Variants in NUP210 observed in about 807,000 individuals in gnomAD.
NUP210 encodes nuclear pore membrane glycoprotein 210.
A neutral mutation model predicts 196.0 loss-of-function variants in NUP210; 151 were observed. The ratio of observed to expected loss-of-function variants is 0.77; its 90% CI spans 0.67 to 0.88. The LOEUF (loss-of-function observed/expected upper bound fraction) is 0.88. Among genes scored for constraint, NUP210 ranks in the 40% least tolerant of loss-of-function variants. NUP210 has a pLI of 0.00. For missense variants in NUP210, 2,314 were observed against 2,493.7 expected (o/e 0.93, Z 1.53); for synonymous variants, 1,070 against 1,052.7 (o/e 1.02, Z -0.32).
In NUP210 at chr3:13,376,348, C is replaced by T; in HGVS notation, c.1236G>A (p.Arg412=). Residue 412 remains arginine, a synonymous_variant, in exon 10 of 40, where the codon AGG becomes AGA. Coordinates refer to ENST00000254508, the MANE Select transcript of NUP210 (RefSeq NM_024923.4). ...TGGCCGTCTGTCCCCTCTTTAGTGC[C>T]CTGATGCGATGGTATGACCCATTCT... is the stretch of plus-strand genomic sequence containing the variant. The part of the protein sequence containing the change: ...SSQNGSYHRI[R]ALKRGQTAID... 1 of 1,614,226 alleles carries T rather than the reference C, an allele frequency of 6.2e-7. No homozygotes were observed. Among genetic ancestry groups the T allele is most frequent in the African/African-American group, 1.3e-5 (1 of 75,060 alleles).
chr3:13,420,204 A>C lies in NUP210; in HGVS notation c.23T>G (p.Leu8Arg). 1 of 1,192,358 alleles carries C rather than the reference A, an allele frequency of 8.4e-7. No individual in the cohort carries two copies. The allele number at this position is 1,192,358 out of a possible 1,614,324, so 73.9% of individuals were successfully genotyped here. A position where few individuals can be genotyped will look rare whatever the true frequency, so the allele number is the denominator to read the frequency against. MAARGRG[L>R]LLLTLSVLLA... Reference sequence around the variant, plus strand: ...CAGCACCGACAGCGTCAGCAGCAGCAGCCCCCGGCCCCGCGCCGCCATCCT... The same window carrying C: ...CAGCACCGACAGCGTCAGCAGCAGCCGCCCCCGGCCCCGCGCCGCCATCCT... Residue 8 changes from leucine to arginine, a missense_variant, in exon 1 of 40, where the codon CTG becomes CGG. Transcript: ENST00000254508. The surrounding 1 kb of genome is among the most constrained non-coding windows in gnomAD (Gnocchi z 4.8).
chr3:13,337,784 C>T (rs2124854402), intron 26 of NUP210, 53 bp downstream of exon 26: 1 of 1,514,818 alleles, frequency 6.6e-7, no homozygotes, highest in Non-Finnish European at 9.0e-7. Context: ...AGGACAGGGT[C>T]CCAGCAGTGG....
Position 13,377,580 on chromosome 3 carries a change from A to G in NUP210, c.1046-18T>C. On this transcript the variant is annotated intron_variant, in intron 8 of 39. Transcript: ENST00000254508. ...AGTGAACCCTAAAACAGGCAGAGGG[A>G]GCCTGAGCACTCAGGCCTCAGGGGC... 1 of 1,600,146 alleles carries G rather than the reference A, an allele frequency of 6.2e-7. No individual in the cohort carries two copies. The highest frequency in any genetic ancestry group is 8.6e-7 in the Non-Finnish European group (1 of 1,167,834).
intron 20 of NUP210, among the ~76,000 whole-genome samples, chr3:13,349,347 C>T (rs1322878855): frequency 1.3e-5 from 2 of 152,230 alleles, no homozygotes; most frequent in African/African-American, 4.8e-5. Flanking sequence ...ACCATGCCCC[C>T]AGCTACAGCT....
At chr3:13,330,695 C>T in intron 29 of NUP210, 61 bp from the exon 30 acceptor site, 4 of 1,487,828 alleles carry the variant, frequency 2.7e-6, no homozygotes, top group Non-Finnish European at 2.8e-6. Flanking sequence ...GGCCTGGATA[C>T]AATGCCAGGA....
chr3:13,381,748 A>G (rs917141769), intron 6 of NUP210, among the ~76,000 whole-genome samples: 3 of 152,160 alleles, frequency 2.0e-5, no homozygotes, highest in Non-Finnish European at 2.9e-5. Flanking sequence ...GGGGGTGAAC[A>G]GCTGCCCTTC....
chr3:13,331,132 C>A (rs1696980455), intron 29 of NUP210, among the ~76,000 whole-genome samples: 1 of 152,166 alleles, frequency 6.6e-6, no homozygotes, highest in Admixed American at 6.6e-5. Context: ...TGACTTCTTA[C>A]TTGGTAAAAG....
intron 28 of NUP210, among the ~76,000 whole-genome samples, chr3:13,333,404 G>C (rs908506485): frequency 3.2e-4 from 49 of 152,196 alleles, no homozygotes; most frequent in African/African-American, 1.2e-3. Flanking sequence ...AGACCAGGTG[G>C]ACACCCCTCG....
chr3:13,351,811 C>A (rs2124878133), intron 20 of NUP210, 68 bp downstream of exon 20: 1 of 1,022,262 alleles, frequency 9.8e-7, no homozygotes, highest in South Asian at 1.4e-5. Context: ...AATGATCAAT[C>A]AATTAACCAC....
intron 33 of NUP210, 149 bp downstream of exon 33, chr3:13,325,646 C>A: frequency 1.2e-6 from 1 of 833,258 alleles, no homozygotes; most frequent in Admixed American, 2.3e-5. Context: ...TCAGAGTCAG[C>A]AAGTGGCCAG....
chr3:13,404,015 G>A (rs1250779543), intron 1 of NUP210, among the ~76,000 whole-genome samples: 2 of 152,210 alleles, frequency 1.3e-5, no homozygotes, highest in South Asian at 2.1e-4. Flanking sequence ...GGGAATCAGG[G>A]GCAGCCCATC....
chr3:13,327,405 G>C lies in NUP210; in HGVS notation c.4319C>G (p.Thr1440Ser). The C allele has an allele frequency of 1.2e-6, 2 of 1,613,058 alleles. No homozygotes were observed. Among genetic ancestry groups the C allele is most frequent in the Non-Finnish European group, 1.7e-6 (2 of 1,179,760 alleles). ...DDFVQIGKGP[T>S]NNTCVVRTVS... ...TGTGCGGACAACGCAGGTGTTGTTGGTGGGGCCCTTCCCGATCTGCACAAA... is the reference window on the plus strand; with the variant it reads ...TGTGCGGACAACGCAGGTGTTGTTGCTGGGGCCCTTCCCGATCTGCACAAA... The change falls in exon 32 of 40, where the codon ACC becomes AGC. Residue 1440 changes from threonine to serine, a missense_variant. Physicochemically the swap from Thr to Ser is moderately conservative, Grantham distance 58. Coordinates refer to ENST00000254508, the MANE Select transcript of NUP210 (RefSeq NM_024923.4).
Position 13,323,974 on chromosome 3 carries a change from C to G in NUP210, c.4645-542G>C, listed in dbSNP as rs532631032. On this transcript the variant is annotated intron_variant, in intron 33 of 39. Transcript: ENST00000254508. This position sits in a 1 kb window ranked among gnomAD's most constrained non-coding sequence, Gnocchi z 4.3. ...GCCACTTCCTGCAGCTGAAGGCCCC[C>G]CTCCCTCTCTCAGCAGGCACCAGCG... Among the ~76,000 whole-genome samples, 4 of 152,214 alleles carry G rather than the reference C, an allele frequency of 2.6e-5. No individual in the cohort carries two copies. Among genetic ancestry groups the G allele is most frequent in the African/African-American group, 4.8e-5 (2 of 41,452 alleles).
Position 13,323,257 on chromosome 3 carries a change from A to G in NUP210, c.4768+52T>C. ...CTCCATCCAGAGGACACAGGAAGCC[A>G]CCTCCCCGCTCCCAGGTACTCTGAA... On this transcript the variant is annotated intron_variant, in intron 34 of 39. Transcript: ENST00000254508. The surrounding 1 kb of genome is among the most constrained non-coding windows in gnomAD (Gnocchi z 4.3). 1 of 1,609,032 alleles carries G rather than the reference A, an allele frequency of 6.2e-7. No individual in the cohort carries two copies. The highest frequency in any genetic ancestry group is 8.5e-7 in the Non-Finnish European group (1 of 1,177,080).
At chr3:13,400,703 A>G (rs1699806323) in intron 1 of NUP210, among the ~76,000 whole-genome samples, 1 of 152,182 alleles carries the variant, frequency 6.6e-6, no homozygotes, top group African/African-American at 2.4e-5. Flanking sequence ...GAATGCCACC[A>G]GGATCTGGGG....
chr3:13,397,781 G>A (rs774936242), intron 2 of NUP210, among the ~76,000 whole-genome samples: 1 of 152,248 alleles, frequency 6.6e-6, no homozygotes, highest in Non-Finnish European at 1.5e-5. Context: ...CAGGGTGTAA[G>A]CATTCCGTGA....
At chr3:13,392,232 C>A (rs1217272567) in intron 3 of NUP210, among the ~76,000 whole-genome samples, 1 of 152,194 alleles carries the variant, frequency 6.6e-6, no homozygotes, top group African/African-American at 2.4e-5. Flanking sequence ...CGATCCCTGG[C>A]CCTGCAAGGT....
intron 11 of NUP210, among the ~76,000 whole-genome samples, chr3:13,374,247 C>T (rs539937122): frequency 1.2e-4 from 18 of 152,316 alleles, no homozygotes; most frequent in South Asian, 4.1e-4. Context: ...TTCACACTCA[C>T]GCTTTCACCC....
intron 1 of NUP210, among the ~76,000 whole-genome samples, chr3:13,418,953 A>G (rs1700438307): frequency 8.8e-6 from 1 of 113,306 alleles, no homozygotes; most frequent in Admixed American, 8.6e-5. Flanking sequence ...CGTCTCAAAA[A>G]AAAAAAAAAA....
Sources: gnomAD v4.1 joint callset for allele counts (sites outside exome capture counted in the v4.1 genomes callset) on GRCh38, gnomAD v4.1.1 for gene constraint, Gnocchi (gnomAD v3.1) non-coding constraint, MANE v1.5 for transcripts, NCBI Gene and HGNC (gene_info 2026-07-23, HGNC 2026-07-21) for gene names.